Variants in ZNF75D observed in about 807,000 individuals in gnomAD.
ZNF75D encodes the protein zinc finger protein 75D, also known as zinc finger protein 75.
ZNF75D carries 33 observed loss-of-function variants against 33.3 expected under a neutral mutation model. The ratio of observed to expected loss-of-function variants is 0.99; its 90% CI spans 0.75 to 1.32. ZNF75D has a LOEUF of 1.32. Among genes scored for constraint, ZNF75D ranks in the 40% most tolerant of loss-of-function variants. ZNF75D has a pLI of 0.00. For missense variants in ZNF75D, 338 were observed against 367.5 expected (o/e 0.92, Z 0.66); for synonymous variants, 113 against 130.6 (o/e 0.87, Z 0.92).
chrX:135,262,370 T>C (rs1298148115), intron 1 of ZNF75D, among the ~76,000 whole-genome samples: 1 of 112,325 alleles, frequency 8.9e-6, no homozygotes, highest in Non-Finnish European at 1.9e-5. Flanking sequence ...TTCTCCTTGA[T>C]AATATCCTGA....
In ZNF75D at chrX:135,293,732, C is replaced by T; in HGVS notation, c.409G>A (p.Glu137Lys). 8.5e-7 allele frequency: 1 copy of T among 1,170,487 alleles called. No homozygotes were observed. Among genetic ancestry groups the T allele is most frequent in the East Asian group, 3.0e-5 (1 of 33,340 alleles). ...ATGTAGGCAATCTTTCTTCTTACCT[C>T]ATTCTTTGTTCCATCAGGCTCCCTC... ...LQREPDGTKNEVTAHELGKEA... is the reference protein window; with the variant it reads ...LQREPDGTKNKVTAHELGKEA... The change falls in exon 3 of 7, where the codon GAG becomes AAG. Residue 137 changes from glutamate to lysine, a missense_variant and splice_region_variant. Physicochemically the swap from Glu to Lys is moderately conservative, Grantham distance 56 (BLOSUM62 1). Around this residue, in one of 3 missense-constraint regions of ZNF75D, gnomAD observed 254 missense variants for 267.7 expected, o/e 0.95. Coordinates refer to ENST00000370766, the MANE Select transcript of ZNF75D (RefSeq NM_007131.5).
chrX:135,258,118 C>G (rs1279701472), intron 1 of ZNF75D, among the ~76,000 whole-genome samples: 1 of 103,829 alleles, frequency 9.6e-6, no homozygotes, highest in Non-Finnish European at 2.0e-5. Context: ...CAGCTTCATC[C>G]ATGTCCCTAC....
chrX:135,260,254 TC>T (rs1556415277), intron 1 of ZNF75D, among the ~76,000 whole-genome samples: 1 of 112,067 alleles, frequency 8.9e-6, no homozygotes, highest in East Asian at 2.8e-4. Flanking sequence ...TCTAAAATTT[TC>T]TTTTTTTGTT....
At chrX:135,262,144 G>T (rs1238946717) in intron 1 of ZNF75D, among the ~76,000 whole-genome samples, 4 of 112,149 alleles carry the variant, frequency 3.6e-5, no homozygotes, top group African/African-American at 1.3e-4. Flanking sequence ...GGCTTGTAGG[G>T]TTTCTTCCGA....
intron 1 of ZNF75D, among the ~76,000 whole-genome samples, chrX:135,320,156 G>T (rs2084477850): frequency 9.1e-6 from 1 of 110,470 alleles, no homozygotes; most frequent in African/African-American, 3.3e-5. Context: ...AGCTGGGCAT[G>T]GTGGCATGCA....
intron 1 of ZNF75D, among the ~76,000 whole-genome samples, chrX:135,304,558 C>T (rs2084260672): frequency 9.0e-6 from 1 of 111,480 alleles, no homozygotes; most frequent in South Asian, 3.8e-4. Flanking sequence ...CAGCATGGCA[C>T]ATCTGCAAGC....
intron 1 of ZNF75D, among the ~76,000 whole-genome samples, chrX:135,302,314 G>T (rs2084228454): frequency 8.9e-6 from 1 of 112,243 alleles, no homozygotes; most frequent in Non-Finnish European, 1.9e-5. Context: ...CATGTTCAGT[G>T]GTCTCTTATC....
At chrX:135,258,452 A>G (rs920441985) in intron 1 of ZNF75D, among the ~76,000 whole-genome samples, 3 of 111,035 alleles carry the variant, frequency 2.7e-5, no homozygotes, top group Non-Finnish European at 3.8e-5. Context: ...CCTCTACAGC[A>G]TCTGTTGTTT....
chrX:135,336,467 G>A (rs932785806), intron 1 of ZNF75D, among the ~76,000 whole-genome samples: 5 of 112,756 alleles, frequency 4.4e-5, no homozygotes, highest in African/African-American at 9.7e-5. Flanking sequence ...GGCCAAAAAC[G>A]TATGAGTGAC....
At chrX:135,336,902 A>G (rs1556442556) in intron 1 of ZNF75D, among the ~76,000 whole-genome samples, 2 of 111,630 alleles carry the variant, frequency 1.8e-5, no homozygotes, top group Non-Finnish European at 3.8e-5. Flanking sequence ...AATGTCATTA[A>G]GTTGTTAGGG....
At chrX:135,308,175 C>T (rs782609509) in intron 1 of ZNF75D, among the ~76,000 whole-genome samples, 1 of 112,270 alleles carries the variant, frequency 8.9e-6, no homozygotes, top group Non-Finnish European at 1.9e-5. Context: ...ATCTTGCAGA[C>T]TGTTGGCATT....
chrX:135,338,217 G>GC (rs1556443233), intron 1 of ZNF75D, among the ~76,000 whole-genome samples: 12 of 111,039 alleles, frequency 1.1e-4, no homozygotes, highest in African/African-American at 3.6e-4. Context: ...GTTCTGCACT[G>GC]TCTTCTGTCT....
At chrX:135,338,067 C>A (rs1312082454) in intron 1 of ZNF75D, among the ~76,000 whole-genome samples, 3 of 111,122 alleles carry the variant, frequency 2.7e-5, no homozygotes, top group African/African-American at 9.8e-5. Flanking sequence ...GGAGACAGAG[C>A]TCGCAGGATG....
At chrX:135,323,773 A>G (rs1381020405) in intron 1 of ZNF75D, among the ~76,000 whole-genome samples, 1 of 111,771 alleles carries the variant, frequency 8.9e-6, no homozygotes, top group Non-Finnish European at 1.9e-5. Flanking sequence ...TGAAATTTCC[A>G]TATTAGGTTA....
At chrX:135,322,864 C>A (rs1022608483) in intron 1 of ZNF75D, among the ~76,000 whole-genome samples, 28 of 112,047 alleles carry the variant, frequency 2.5e-4, no homozygotes, top group African/African-American at 8.8e-4. Context: ...TGTGTATCTT[C>A]TATTTTATGT....
chrX:135,257,736 CCATTTG>C (rs1556414524), intron 1 of ZNF75D, among the ~76,000 whole-genome samples: 1 of 112,366 alleles, frequency 8.9e-6, no homozygotes, highest in African/African-American at 3.2e-5. Flanking sequence ...GCACCATACT[CCATTTG>C]CATGGCATCT....
intron 1 of ZNF75D, among the ~76,000 whole-genome samples, chrX:135,256,896 C>G (rs1469346806): frequency 8.1e-5 from 9 of 111,772 alleles, no homozygotes; most frequent in African/African-American, 2.9e-4. Flanking sequence ...TTTCCAGGCC[C>G]TAGCTCCTGG....
At chrX:135,262,422 A>G (rs1414598029) in intron 1 of ZNF75D, among the ~76,000 whole-genome samples, 1 of 112,287 alleles carries the variant, frequency 8.9e-6, no homozygotes, top group African/African-American at 3.2e-5. Flanking sequence ...CATCACTTTC[A>G]GGTACACCTA....
intron 1 of ZNF75D, among the ~76,000 whole-genome samples, chrX:135,315,707 T>G (rs2084411991): frequency 8.9e-6 from 1 of 112,315 alleles, no homozygotes; most frequent in South Asian, 3.7e-4. Flanking sequence ...CTTTACTATT[T>G]TTGGCTTAAA....
Sources: gnomAD v4.1 joint callset for allele counts (sites outside exome capture counted in the v4.1 genomes callset) on GRCh38, gnomAD v4.1.1 for gene constraint, gnomAD v4.1.1 regional missense constraint, MANE v1.5 for transcripts, NCBI Gene and HGNC (gene_info 2026-07-23, HGNC 2026-07-21) for gene names.